SGCG: variants seen among roughly 807,000 people sequenced by gnomAD.
SGCG encodes the protein gamma-sarcoglycan.
SGCG carries 26 observed loss-of-function variants against 29.3 expected under a neutral mutation model. That is an observed-to-expected ratio of 0.89 (90% CI 0.65 to 1.23). The LOEUF is 1.23. Ranked by LOEUF, SGCG falls within the 50% of genes most tolerant of loss-of-function variation. The probability of loss-of-function intolerance (pLI) is 0.00; values close to 1 mark genes in which losing one functional copy is unlikely to be tolerated. For synonymous variants in SGCG, 145 were observed against 129.7 expected (o/e 1.12, Z -0.80); for missense variants, 353 against 356.0 (o/e 0.99, Z 0.07).
At chr13:23,226,140 T>G (rs992785974) in intron 2 of SGCG, among the ~76,000 whole-genome samples, 2 of 152,178 alleles carry the variant, frequency 1.3e-5, no homozygotes, top group Admixed American at 6.5e-5. Flanking sequence ...ACCCAGTGAT[T>G]ACAGTGACTA....
chr13:23,167,552 C>T, the SGCG span, among the ~76,000 whole-genome samples: 3 of 152,112 alleles, frequency 2.0e-5, no homozygotes, highest in East Asian at 1.9e-4. Flanking sequence ...TCCACGTCCT[C>T]GCCAGCATTT....
chr13:23,199,820 T>C (rs1361067198), intron 1 of SGCG, among the ~76,000 whole-genome samples: 4 of 152,074 alleles, frequency 2.6e-5, no homozygotes, highest in Admixed American at 2.6e-4. Context: ...CGAAAAGCAG[T>C]GTGTGGTCAG....
chr13:23,317,112 G>A (rs151297425), intron 6 of SGCG, among the ~76,000 whole-genome samples: 4,035 of 152,008 alleles, frequency 0.027, 104 homozygotes, highest in East Asian at 0.12. Context: ...GGAGAATGGC[G>A]TGAACCCAGG....
At chr13:23,207,594 T>A (rs1878030061) in intron 2 of SGCG, among the ~76,000 whole-genome samples, 1 of 152,126 alleles carries the variant, frequency 6.6e-6, no homozygotes, top group Non-Finnish European at 1.5e-5. Flanking sequence ...CCAAAATATA[T>A]AAGGAACTCC....
At chr13:23,278,053 C>T (rs1881157062) in intron 4 of SGCG, among the ~76,000 whole-genome samples, 2 of 152,092 alleles carry the variant, frequency 1.3e-5, no homozygotes, top group African/African-American at 4.8e-5. Flanking sequence ...AGGCTGGTGT[C>T]AAACTCCTGA....
chr13:23,269,596 C>T (rs1471959449), intron 4 of SGCG, among the ~76,000 whole-genome samples: 1 of 152,200 alleles, frequency 6.6e-6, no homozygotes, highest in East Asian at 1.9e-4. Flanking sequence ...ATCATACTTA[C>T]ATGAGGATAG....
chr13:23,323,958 G>A (rs1883139337), intron 7 of SGCG, among the ~76,000 whole-genome samples: 1 of 152,328 alleles, frequency 6.6e-6, no homozygotes, highest in African/African-American at 2.4e-5. Context: ...CAAGATAAAT[G>A]TGAATCGGGA....
intron 3 of SGCG, among the ~76,000 whole-genome samples, chr13:23,249,675 C>G (rs1178063037): frequency 6.6e-6 from 1 of 151,976 alleles, no homozygotes; most frequent in Non-Finnish European, 1.5e-5. Context: ...TCTGGATATA[C>G]AAAATTTGAC....
At chr13:23,255,548 C>A (rs925300056) in intron 4 of SGCG, among the ~76,000 whole-genome samples, 1 of 152,062 alleles carries the variant, frequency 6.6e-6, no homozygotes, top group Non-Finnish European at 1.5e-5. Context: ...GAATATTTGT[C>A]CCCTACAAGT....
At chr13:23,300,643 G>C (rs1216851977) in intron 6 of SGCG, among the ~76,000 whole-genome samples, 1 of 151,976 alleles carries the variant, frequency 6.6e-6, no homozygotes, top group South Asian at 2.1e-4. Flanking sequence ...ACTACTTCAC[G>C]GTATAGGAAC....
the SGCG span, among the ~76,000 whole-genome samples, chr13:23,175,693 T>C: frequency 6.6e-6 from 1 of 152,306 alleles, no homozygotes; most frequent in East Asian, 1.9e-4. Context: ...TTCTCCCCTC[T>C]ATCTTCTTTT....
chr13:23,322,831 T>G (rs1006382649), intron 7 of SGCG, among the ~76,000 whole-genome samples: 1 of 138,306 alleles, frequency 7.2e-6, no homozygotes, highest in African/African-American at 2.7e-5. Context: ...AGGATTCACC[T>G]GGAAGTCAGG....
intron 2 of SGCG, among the ~76,000 whole-genome samples, chr13:23,209,775 G>A (rs1878122784): frequency 6.6e-6 from 1 of 152,154 alleles, no homozygotes; most frequent in East Asian, 1.9e-4. Context: ...GCATTAGATG[G>A]GTGAGGTGTA....
chr13:23,169,542 A>G, the SGCG span, among the ~76,000 whole-genome samples: 20 of 151,944 alleles, frequency 1.3e-4, no homozygotes, highest in Admixed American at 9.8e-4. Context: ...AGTTGGGCAT[A>G]GTGGTGCATG....
chr13:23,218,995 GT>G (rs1001057549), intron 2 of SGCG, among the ~76,000 whole-genome samples: 21 of 147,708 alleles, frequency 1.4e-4, no homozygotes, highest in Admixed American at 3.4e-4. Context: ...AAAAAGCATA[GT>G]TTTTTTTAAC....
At chr13:23,170,253 T>TA in the SGCG span, among the ~76,000 whole-genome samples, 1 of 152,228 alleles carries the variant, frequency 6.6e-6, no homozygotes, top group East Asian at 1.9e-4. Flanking sequence ...GGCTGGGTGA[T>TA]ATATTTAATG....
the SGCG span, among the ~76,000 whole-genome samples, chr13:23,172,007 T>A: frequency 6.6e-6 from 1 of 152,040 alleles, no homozygotes; most frequent in Non-Finnish European, 1.5e-5. Flanking sequence ...TTGAAAGGAG[T>A]CAGGTTTCCT....
rs1257446197 is a variant in SGCG at position 23,225,806 on chromosome 13, CA to C, written c.196-8804del. Among the ~76,000 whole-genome samples the C allele has an allele frequency of 6.6e-5, 10 of 151,968 alleles. 1 individual carries two copies. The South Asian group carries it at 1.0e-3, about 16-fold the overall frequency. On this transcript the variant is annotated intron_variant, in intron 2 of 7. Coordinates refer to ENST00000218867, the MANE Select transcript of SGCG (RefSeq NM_000231.3). ...ACACACACACACACACACACACACA[CA>C]CCCCTACATACATCAACATTTATTT...
intron 3 of SGCG, among the ~76,000 whole-genome samples, chr13:23,237,917 T>C (rs1034947351): frequency 1.3e-5 from 2 of 152,078 alleles, no homozygotes; most frequent in Non-Finnish European, 1.5e-5. Flanking sequence ...GAGATAAAGC[T>C]ATTTTTAAAG....
Sources: allele counts gnomAD v4.1 joint callset (sites outside exome capture counted in the v4.1 genomes callset), GRCh38; gene constraint gnomAD v4.1.1; transcripts MANE v1.5; gene names NCBI Gene and HGNC (gene_info 2026-07-23, HGNC 2026-07-21).